Variants in CDH12 observed in about 807,000 individuals in gnomAD.
CDH12 encodes the protein cadherin 12.
In CDH12, 41 loss-of-function variants were observed where a neutral mutation model predicts 74.1. The ratio of observed to expected loss-of-function variants is 0.55; its 90% CI spans 0.43 to 0.72. The LOEUF (loss-of-function observed/expected upper bound fraction) is 0.72, where lower values mean the gene tolerates loss of function less well. CDH12 is among the 30% of genes least tolerant of loss of function. The pLI, the probability that CDH12 is intolerant of heterozygous loss-of-function variation, is 0.00. For synonymous variants in CDH12, 399 were observed against 355.0 expected, an observed-to-expected ratio of 1.12 and a Z score of -1.39; for missense variants, 945 against 977.2, an observed-to-expected ratio of 0.97 and a Z score of 0.44.
intron 3 of CDH12, among the ~76,000 whole-genome samples, chr5:22,229,986 A>G (rs1197528685): frequency 6.6e-6 from 1 of 152,178 alleles, no homozygotes; most frequent in East Asian, 1.9e-4. Flanking sequence ...AATGACGTCT[A>G]TTAATAAATA....
chr5:22,197,001 T>C (rs2150351308), intron 4 of CDH12, among the ~76,000 whole-genome samples: 1 of 152,246 alleles, frequency 6.6e-6, no homozygotes, highest in East Asian at 1.9e-4. Context: ...TACAGCAAAC[T>C]CTCATGATAC....
chr5:22,057,901 C>T (rs1048664970), intron 5 of CDH12, among the ~76,000 whole-genome samples: 1 of 152,062 alleles, frequency 6.6e-6, no homozygotes, highest in Non-Finnish European at 1.5e-5. Context: ...CAATGAAAGT[C>T]GCTCAAAAGG....
At chr5:22,087,635 T>C (rs569688334) in intron 4 of CDH12, among the ~76,000 whole-genome samples, 23 of 152,062 alleles carry the variant, frequency 1.5e-4, no homozygotes, top group East Asian at 7.8e-4. Context: ...AGTGAGACTT[T>C]GTCTCAAAAA....
intron 6 of CDH12, among the ~76,000 whole-genome samples, chr5:21,948,948 G>T (rs1431388213): frequency 6.6e-6 from 1 of 151,462 alleles, no homozygotes; most frequent in Non-Finnish European, 1.5e-5. Flanking sequence ...GTCTTGTGAA[G>T]AAGATGACTG....
At chr5:21,905,052 T>C (rs780491423) in intron 6 of CDH12, among the ~76,000 whole-genome samples, 1 of 152,182 alleles carries the variant, frequency 6.6e-6, no homozygotes, top group Non-Finnish European at 1.5e-5. Context: ...CATTGCAATG[T>C]GTACTTTGGA....
intron 4 of CDH12, among the ~76,000 whole-genome samples, chr5:22,184,798 A>G (rs1203130031): frequency 6.6e-6 from 1 of 152,174 alleles, no homozygotes; most frequent in African/African-American, 2.4e-5. Flanking sequence ...TCATTTCTCC[A>G]TGTGGAAAAT....
At chr5:22,762,768 T>C (rs1316120721) in intron 1 of CDH12, among the ~76,000 whole-genome samples, 1 of 152,098 alleles carries the variant, frequency 6.6e-6, no homozygotes, top group Non-Finnish European at 1.5e-5. Context: ...TTAATTTTTC[T>C]GAGCAAACAT....
At chr5:22,419,928 T>C (rs1208331162) in intron 2 of CDH12, among the ~76,000 whole-genome samples, 1 of 152,218 alleles carries the variant, frequency 6.6e-6, no homozygotes, top group Non-Finnish European at 1.5e-5. Context: ...CTCATGTTTG[T>C]TGGCCACATA....
chr5:22,567,777 A>C (rs1739359240), intron 1 of CDH12, among the ~76,000 whole-genome samples: 1 of 152,254 alleles, frequency 6.6e-6, no homozygotes. Context: ...ATTGAATGGC[A>C]AATGGTGACT....
intron 5 of CDH12, among the ~76,000 whole-genome samples, chr5:22,004,319 C>T (rs1736805356): frequency 6.6e-6 from 1 of 152,184 alleles, no homozygotes; most frequent in Non-Finnish European, 1.5e-5. Flanking sequence ...AGAAATCCTA[C>T]ACTGAACCCC....
chr5:21,839,494 A>T (rs923307768), intron 8 of CDH12, among the ~76,000 whole-genome samples: 14 of 152,172 alleles, frequency 9.2e-5, no homozygotes, highest in South Asian at 2.1e-4. Context: ...CATATCCATT[A>T]AAGTGTAATT....
chr5:22,573,545 G>C (rs1739638593), intron 1 of CDH12, among the ~76,000 whole-genome samples: 1 of 152,146 alleles, frequency 6.6e-6, no homozygotes, highest in Non-Finnish European at 1.5e-5. Flanking sequence ...AGATGGGTAT[G>C]TATTAACTCT....
intron 2 of CDH12, among the ~76,000 whole-genome samples, chr5:22,496,234 T>A (rs2126648207): frequency 6.6e-6 from 1 of 152,304 alleles, no homozygotes; most frequent in South Asian, 2.1e-4. Flanking sequence ...CAACCTAAAC[T>A]GTCCAGGCAA....
At chr5:22,572,087 C>T (rs1454408966) in intron 1 of CDH12, among the ~76,000 whole-genome samples, 1 of 151,974 alleles carries the variant, frequency 6.6e-6, no homozygotes, top group Non-Finnish European at 1.5e-5. Flanking sequence ...GCAAAGTGCA[C>T]TAAAATAAGG....
intron 9 of CDH12, among the ~76,000 whole-genome samples, chr5:21,812,727 A>G (rs1747816272): frequency 6.6e-6 from 1 of 152,190 alleles, no homozygotes; most frequent in Non-Finnish European, 1.5e-5. Context: ...ACGATACAAT[A>G]TATACAATAG....
intron 5 of CDH12, among the ~76,000 whole-genome samples, chr5:22,077,107 C>T (rs1051713510): frequency 4.6e-5 from 7 of 151,484 alleles, no homozygotes; most frequent in African/African-American, 1.5e-4. Context: ...ATCACTGAGA[C>T]TGGATGACCA....
chr5:22,222,709 A>C (rs551042983), intron 3 of CDH12, among the ~76,000 whole-genome samples: 57 of 151,956 alleles, frequency 3.8e-4, no homozygotes, highest in African/African-American at 1.4e-3. Context: ...TATTAATGAC[A>C]GGACAAACAT....
chr5:22,397,454 AG>A (rs1386895231), intron 3 of CDH12, among the ~76,000 whole-genome samples: 1 of 147,612 alleles, frequency 6.8e-6, no homozygotes, highest in Non-Finnish European at 1.5e-5. Context: ...AATTGATTCC[AG>A]GTTTTTTTTT....
At chr5:22,671,078 C>A (rs1397482507) in intron 1 of CDH12, among the ~76,000 whole-genome samples, 2 of 151,000 alleles carry the variant, frequency 1.3e-5, no homozygotes, top group Admixed American at 1.3e-4. Context: ...AGTTTTTATT[C>A]ACAAATAATT....
Sources: allele counts gnomAD v4.1 joint callset (sites outside exome capture counted in the v4.1 genomes callset), GRCh38; gene constraint gnomAD v4.1.1; transcripts MANE v1.5; gene names NCBI Gene and HGNC (gene_info 2026-07-23, HGNC 2026-07-21).